The following FBN1 variants were observed in gnomAD, a reference collection of about 807,000 sequenced individuals.
FBN1 encodes the protein fibrillin 1.
In FBN1, 29 loss-of-function variants were observed where a neutral mutation model predicts 365.1. The ratio of observed to expected loss-of-function variants is 0.08; its 90% CI spans 0.06 to 0.11. The LOEUF is 0.11. Ranked by LOEUF, FBN1 falls within the 10% of genes least tolerant of loss-of-function variation. The pLI is 1.00. For synonymous variants in FBN1, 1,210 were observed against 1,270.5 expected, an observed-to-expected ratio of 0.95 and a Z score of 1.01; for missense variants, 2,476 against 3,703.2, an observed-to-expected ratio of 0.67 and a Z score of 8.60.
chr15:48,567,281 T>C (rs2044264557), intron 6 of FBN1, among the ~76,000 whole-genome samples: 1 of 152,218 alleles, frequency 6.6e-6, no homozygotes. Flanking sequence ...TATTTGTATA[T>C]TTTTGTATGA....
Position 48,496,320 on chromosome 15 carries a change from C to T in FBN1, c.2294-95G>A, listed in dbSNP as rs537073266. 3.2e-5 allele frequency: 49 copies of T among 1,522,724 alleles called. No individual in the cohort carries two copies. The South Asian group carries it at 3.8e-4, about 12-fold the overall frequency. The allele number at this position is 1,522,724 out of a possible 1,614,324, so 94.3% of individuals were successfully genotyped here. On this transcript the variant is annotated intron_variant, in intron 19 of 65. Coordinates refer to ENST00000316623, the MANE Select transcript of FBN1 (RefSeq NM_000138.5). ...CATTAGATCTTTAAAGTCATAACGA[C>T]GTGATCAATTCAAGCAAAAAGGCAA... is the stretch of plus-strand genomic sequence containing the variant.
At chr15:48,478,555 C>A (rs2043441617) in intron 32 of FBN1, among the ~76,000 whole-genome samples, 2 of 149,416 alleles carry the variant, frequency 1.3e-5, no homozygotes, top group Non-Finnish European at 2.9e-5. Flanking sequence ...CCAGGACCAC[C>A]CATCAAAGAT....
At chr15:48,577,599 GA>G (rs1263085853) in intron 6 of FBN1, among the ~76,000 whole-genome samples, 1 of 152,012 alleles carries the variant, frequency 6.6e-6, no homozygotes, top group African/African-American at 2.4e-5. Flanking sequence ...AATGCAATCA[GA>G]AAACAGACAG....
intron 27 of FBN1, 55 bp from the exon 28 acceptor site, chr15:48,487,492 C>G: frequency 6.2e-7 from 1 of 1,606,750 alleles, no homozygotes; most frequent in Admixed American, 1.7e-5. Flanking sequence ...CTCCACCAGA[C>G]CAAGCACTCC....
chr15:48,549,761 A>C (rs2044126650), intron 6 of FBN1, among the ~76,000 whole-genome samples: 1 of 148,936 alleles, frequency 6.7e-6, no homozygotes, highest in Non-Finnish European at 1.5e-5. Flanking sequence ...ACTTACTCTG[A>C]TTTACTAGAG....
chr15:48,417,102 T>C (rs1484592789), intron 63 of FBN1, among the ~76,000 whole-genome samples: 1 of 152,232 alleles, frequency 6.6e-6, no homozygotes, highest in African/African-American at 2.4e-5. Flanking sequence ...AGGCCATCCA[T>C]GCGCTTTCCT....
intron 2 of FBN1, chr15:48,644,360 A>G: frequency 5.1e-6 from 3 of 586,526 alleles, no homozygotes; most frequent in Non-Finnish European, 9.1e-6. Context: ...CGCCTCCCAA[A>G]ATCTGCCTCA....
At chr15:48,567,935 A>C (rs1174884837) in intron 6 of FBN1, among the ~76,000 whole-genome samples, 1 of 151,504 alleles carries the variant, frequency 6.6e-6, no homozygotes, top group Non-Finnish European at 1.5e-5. Context: ...ACTTCTATTG[A>C]ACATTGTTCT....
chr15:48,421,827 C>T, intron 61 of FBN1, 125 bp downstream of exon 61: 1 of 1,150,576 alleles, frequency 8.7e-7, no homozygotes, highest in Non-Finnish European at 1.3e-6. Context: ...GGTGTGCTCA[C>T]ACATACATGC....
chr15:48,446,852 T>C (rs765157851), intron 46 of FBN1, 30 bp from the exon 47 acceptor site: 2 of 1,435,342 alleles, frequency 1.4e-6, no homozygotes, highest in Non-Finnish European at 2.0e-6. Flanking sequence ...TAAAGAAACA[T>C]AATTATAAGT....
chr15:48,591,849 T>C (rs2044479862), intron 6 of FBN1, among the ~76,000 whole-genome samples: 1 of 152,048 alleles, frequency 6.6e-6, no homozygotes, highest in Non-Finnish European at 1.5e-5. Flanking sequence ...GAAGTCCAAG[T>C]ACTACACAGT....
At chr15:48,626,359 A>G (rs971573600) in intron 2 of FBN1, among the ~76,000 whole-genome samples, 2 of 152,204 alleles carry the variant, frequency 1.3e-5, no homozygotes, top group African/African-American at 2.4e-5. Context: ...AATCTAACAC[A>G]TAACAACAAT....
intron 4 of FBN1, among the ~76,000 whole-genome samples, chr15:48,603,278 A>G (rs1184855779): frequency 6.6e-6 from 1 of 152,256 alleles, no homozygotes. Flanking sequence ...AACCATATGC[A>G]TGAATCCTTG....
intron 5 of FBN1, among the ~76,000 whole-genome samples, chr15:48,599,332 A>G (rs1039193318): frequency 1.3e-5 from 2 of 152,212 alleles, no homozygotes; most frequent in African/African-American, 4.8e-5. Flanking sequence ...ATGTATTTTA[A>G]AATGTGTAAT....
chr15:48,645,371 T>C (rs1423830977), intron 1 of FBN1, among the ~76,000 whole-genome samples: 1 of 152,044 alleles, frequency 6.6e-6, no homozygotes, highest in African/African-American at 2.4e-5. Flanking sequence ...CCCGAACATC[T>C]GACGCGGAGC....
Position 48,488,356 on chromosome 15 carries a change from T to C in FBN1, c.3208+12A>G. ...CGTCCCCTCTCCTGGCCCTTAAGGC[T>C]CATTAACTGACCTGTGCAGTTCCTT... On this transcript the variant is annotated intron_variant, in intron 26 of 65. Coordinates refer to ENST00000316623, the MANE Select transcript of FBN1 (RefSeq NM_000138.5). 6.2e-7 allele frequency: 1 copy of C among 1,614,216 alleles called. No homozygotes were observed. The highest frequency in any genetic ancestry group is 8.5e-7 in the Non-Finnish European group (1 of 1,180,040).
intron 10 of FBN1, 99 bp from the exon 11 acceptor site, chr15:48,516,461 T>A: frequency 4.0e-6 from 5 of 1,265,796 alleles, no homozygotes; most frequent in Non-Finnish European, 5.6e-6. Flanking sequence ...TATTTTTGAA[T>A]AAAATTGATC....
At chr15:48,506,979 C>A (rs1276001200) in intron 15 of FBN1, among the ~76,000 whole-genome samples, 1 of 152,046 alleles carries the variant, frequency 6.6e-6, no homozygotes, top group Non-Finnish European at 1.5e-5. Flanking sequence ...ACAAACCATC[C>A]ATATCATCAG....
chr15:48,536,113 GAAA>G (rs200133656), intron 7 of FBN1, among the ~76,000 whole-genome samples: 1,892 of 151,378 alleles, frequency 0.012, 39 homozygotes, highest in African/African-American at 0.044. Context: ...GAATCTCTTA[GAAA>G]AAACAACAAC....
Sources: gnomAD v4.1 joint callset for allele counts (sites outside exome capture counted in the v4.1 genomes callset) on GRCh38, gnomAD v4.1.1 for gene constraint, MANE v1.5 for transcripts, NCBI Gene and HGNC (gene_info 2026-07-23, HGNC 2026-07-21) for gene names.